Variants in MCUB observed in about 807,000 individuals in gnomAD.
The protein encoded by MCUB is mitochondrial calcium uniporter dominant negative subunit beta, also known as calcium uniporter regulatory subunit MCUb, mitochondrial.
In MCUB, 46 loss-of-function variants were observed where a neutral mutation model predicts 41.4. The observed-to-expected ratio is 1.11, with a 90% CI of 0.88 to 1.42. The LOEUF (loss-of-function observed/expected upper bound fraction) is 1.42. Ranked by LOEUF, MCUB falls within the 40% of genes most tolerant of loss-of-function variation. MCUB has a pLI of 0.00. For missense variants in MCUB, 403 were observed against 404.9 expected (o/e 1.00, Z 0.04); for synonymous variants, 148 against 148.2 (o/e 1.00, Z 0.01).
At chr4:109,608,630 G>A (rs560955991) in intron 1 of MCUB, among the ~76,000 whole-genome samples, 1 of 152,036 alleles carries the variant, frequency 6.6e-6, no homozygotes, top group African/African-American at 2.4e-5. Context: ...GGGACTACAG[G>A]CATGCACCAC....
At chr4:109,653,119 G>A (rs188145204) in intron 1 of MCUB, among the ~76,000 whole-genome samples, 2 of 152,348 alleles carry the variant, frequency 1.3e-5, no homozygotes, top group East Asian at 1.9e-4. Context: ...GCTCACGCCT[G>A]TAATCCCAGC....
intron 4 of MCUB, among the ~76,000 whole-genome samples, chr4:109,667,802 CT>C (rs1729375812): frequency 6.6e-6 from 1 of 151,284 alleles, no homozygotes; most frequent in Non-Finnish European, 1.5e-5. Flanking sequence ...ATAGATTCCC[CT>C]CTGAGCATTG....
At chr4:109,623,164 G>A (rs1434534735) in intron 1 of MCUB, among the ~76,000 whole-genome samples, 1 of 152,202 alleles carries the variant, frequency 6.6e-6, no homozygotes, top group Non-Finnish European at 1.5e-5. Context: ...AGAATAAGAA[G>A]TGAATCAGTG....
At chr4:109,583,277 A>G (rs1248700354) in intron 1 of MCUB, among the ~76,000 whole-genome samples, 1 of 152,164 alleles carries the variant, frequency 6.6e-6, no homozygotes, top group African/African-American at 2.4e-5. Context: ...GAGGTCCTTC[A>G]CATCCCATGT....
intron 1 of MCUB, among the ~76,000 whole-genome samples, chr4:109,575,974 C>A (rs1727017092): frequency 6.6e-6 from 1 of 152,184 alleles, no homozygotes; most frequent in Admixed American, 6.5e-5. Flanking sequence ...CAATTGGCCA[C>A]CTGACCCAGG....
chr4:109,575,528 C>T (rs143065566), intron 1 of MCUB, among the ~76,000 whole-genome samples: 1 of 152,190 alleles, frequency 6.6e-6, no homozygotes, highest in East Asian at 1.9e-4. Flanking sequence ...CAGCCACATT[C>T]GTTTAATTAG....
intron 3 of MCUB, among the ~76,000 whole-genome samples, chr4:109,661,612 T>G (rs1012095013): frequency 6.6e-6 from 1 of 152,096 alleles, no homozygotes; most frequent in Non-Finnish European, 1.5e-5. Flanking sequence ...TGTATTATGT[T>G]AAATAATAAG....
At chr4:109,580,456 C>T (rs1334282390) in intron 1 of MCUB, among the ~76,000 whole-genome samples, 1 of 152,248 alleles carries the variant, frequency 6.6e-6, no homozygotes, top group Non-Finnish European at 1.5e-5. Flanking sequence ...ATTTGCCACA[C>T]TGTCTTCCAC....
intron 1 of MCUB, among the ~76,000 whole-genome samples, chr4:109,586,230 C>T (rs1348680992): frequency 6.6e-6 from 1 of 152,082 alleles, no homozygotes; most frequent in Non-Finnish European, 1.5e-5. Context: ...CCCTTGCTTC[C>T]ACTTGATCGA....
At position 109,671,199 on chromosome 4, in the gene MCUB, TG is replaced by T. The variant is rs1173985159; in HGVS notation, c.451+6807del. Among the ~76,000 whole-genome samples the T allele has an allele frequency of 2.0e-5, 3 of 152,346 alleles. No individual in the cohort carries two copies. In the East Asian group the frequency reaches 5.8e-4, roughly 29 times the overall value. ...AGTTTTTTTATGTCAGACAGGAAACTGGAAGTCTTAACTTTTTCTTAAAGAG... is the reference window on the plus strand; with the variant it reads ...AGTTTTTTTATGTCAGACAGGAAACTGAAGTCTTAACTTTTTCTTAAAGAG... On this transcript the variant is annotated intron_variant, in intron 4 of 7. Coordinates refer to ENST00000394650, the MANE Select transcript of MCUB (RefSeq NM_017918.5).
chr4:109,577,446 G>A (rs197203), intron 1 of MCUB, among the ~76,000 whole-genome samples: 86,435 of 151,874 alleles, frequency 0.57, 24,911 homozygotes, highest in South Asian at 0.67. Context: ...TGGGAGTCCT[G>A]GGAAATAGGT....
chr4:109,603,741 G>A (rs1423766968), intron 1 of MCUB, among the ~76,000 whole-genome samples: 2 of 151,006 alleles, frequency 1.3e-5, no homozygotes, highest in African/African-American at 4.9e-5. Context: ...GAGCCCCTCC[G>A]CCCGGCAGCT....
intron 1 of MCUB, among the ~76,000 whole-genome samples, chr4:109,603,686 G>C (rs1031088521): frequency 1.3e-5 from 2 of 151,998 alleles, no homozygotes; most frequent in Admixed American, 1.3e-4. Context: ...CCCCGTCTGG[G>C]AACTGAGGAG....
intron 4 of MCUB, among the ~76,000 whole-genome samples, chr4:109,671,127 T>C (rs1729448846): frequency 6.6e-6 from 1 of 152,262 alleles, no homozygotes; most frequent in Non-Finnish European, 1.5e-5. Context: ...TTGATTTTCA[T>C]TGTATTCAGC....
At chr4:109,617,736 C>A (rs966942758) in intron 1 of MCUB, among the ~76,000 whole-genome samples, 1 of 152,048 alleles carries the variant, frequency 6.6e-6, no homozygotes, top group African/African-American at 2.4e-5. Flanking sequence ...CAATTTTTTG[C>A]TGTTATAAAT....
chr4:109,674,143 G>C (rs548410660), intron 4 of MCUB: 1 of 1,240,794 alleles, frequency 8.1e-7, no homozygotes, highest in South Asian at 1.2e-5. Flanking sequence ...ATGCTGCCTT[G>C]TTGGAGGAGC....
At chr4:109,594,699 G>T (rs1018819198) in intron 1 of MCUB, among the ~76,000 whole-genome samples, 7 of 151,248 alleles carry the variant, frequency 4.6e-5, no homozygotes, top group Non-Finnish European at 8.8e-5. Context: ...AATAATCCCT[G>T]GAGAGAAAGC....
chr4:109,643,068 C>T (rs1377447871), intron 1 of MCUB, among the ~76,000 whole-genome samples: 1 of 151,926 alleles, frequency 6.6e-6, no homozygotes, highest in Non-Finnish European at 1.5e-5. Context: ...GCTGGGATTA[C>T]AGACGTGAGC....
intron 1 of MCUB, among the ~76,000 whole-genome samples, chr4:109,644,267 A>G (rs896886503): frequency 2.6e-5 from 4 of 152,240 alleles, no homozygotes; most frequent in South Asian, 4.1e-4. Context: ...AACTAAAAAT[A>G]TGACGGAAAT....
Sources: allele counts gnomAD v4.1 joint callset (sites outside exome capture counted in the v4.1 genomes callset), GRCh38; gene constraint gnomAD v4.1.1; transcripts MANE v1.5; gene names NCBI Gene and HGNC (gene_info 2026-07-23, HGNC 2026-07-21).